The following ST18 variants were observed in gnomAD, a reference collection of about 807,000 sequenced individuals.
The protein encoded by ST18 is suppression of tumorigenicity 18 protein.
ST18 carries 50 observed loss-of-function variants against 110.0 expected under a neutral mutation model. The observed-to-expected ratio is 0.45, with a 90% confidence interval of 0.36 to 0.58. The LOEUF is 0.58. Ranked by LOEUF, ST18 falls within the 20% of genes least tolerant of loss-of-function variation. The pLI, the probability that ST18 is intolerant of heterozygous loss-of-function variation, is 0.00. For synonymous variants in ST18, 461 were observed against 452.4 expected (o/e 1.02, Z -0.24); for missense variants, 1,306 against 1,280.1 (o/e 1.02, Z -0.31).
intron 3 of ST18, 81 bp downstream of exon 3, chr8:52,229,951 T>G (rs1212667427): frequency 6.6e-6 from 1 of 152,540 alleles, no homozygotes; most frequent in Non-Finnish European, 1.5e-5. Flanking sequence ...CCTTAACTTC[T>G]CAGGTTTTTG....
intron 2 of ST18, among the ~76,000 whole-genome samples, chr8:52,300,025 T>C (rs988062940): frequency 1.8e-4 from 27 of 152,248 alleles, no homozygotes; most frequent in African/African-American, 4.8e-4. Context: ...CAAGTTGCTT[T>C]GACACTTTTT....
At chr8:52,217,290 C>T (rs192873961) in intron 6 of ST18, among the ~76,000 whole-genome samples, 1 of 152,228 alleles carries the variant, frequency 6.6e-6, no homozygotes, top group African/African-American at 2.4e-5. Context: ...AAAATGGGTT[C>T]CTCCTGGCTT....
chr8:52,351,724 G>C (rs1344025555), intron 2 of ST18, among the ~76,000 whole-genome samples: 1 of 152,194 alleles, frequency 6.6e-6, no homozygotes, highest in Non-Finnish European at 1.5e-5. Context: ...TGTGAGTGAA[G>C]ACTTGGGGCA....
chr8:52,219,973 T>A (rs2086004219), intron 5 of ST18, among the ~76,000 whole-genome samples: 1 of 152,178 alleles, frequency 6.6e-6, no homozygotes, highest in African/African-American at 2.4e-5. Flanking sequence ...CTCCAGCAAA[T>A]AGTCCTATTA....
intron 8 of ST18, among the ~76,000 whole-genome samples, chr8:52,196,143 T>C (rs1437997298): frequency 6.6e-6 from 1 of 152,148 alleles, no homozygotes; most frequent in Non-Finnish European, 1.5e-5. Context: ...AAGTAGAGGT[T>C]TGGGGGCAGA....
chr8:52,132,162 C>T lies in ST18; in HGVS notation c.2462G>A (p.Cys821Tyr), dbSNP rs1415905248. ...ACCTGATATGTGACCTTGGCCATCA[C>T]ACCCTATCACAGGACATCTAGAGAG... is the stretch of plus-strand genomic sequence containing the variant. ...DPELKCPVIG[C>Y]DGQGHISGKY... is the part of the protein sequence containing the mutation. The change falls in exon 22 of 26, where the codon TGT becomes TAT. Residue 821 changes from cysteine (C) to tyrosine (Y), a missense_variant. Physicochemically the swap from Cys to Tyr is radical, Grantham distance 194. Transcript: ENST00000689386. 1 of 1,612,594 alleles carries T rather than the reference C, an allele frequency of 6.2e-7. No homozygotes were observed. Among genetic ancestry groups the T allele is most frequent in the Non-Finnish European group, 8.5e-7 (1 of 1,179,676 alleles).
At chr8:52,250,019 A>G (rs2094164087) in intron 2 of ST18, among the ~76,000 whole-genome samples, 1 of 151,542 alleles carries the variant, frequency 6.6e-6, no homozygotes, top group Non-Finnish European at 1.5e-5. Context: ...GCAAAGTTGC[A>G]TTTATGCCCT....
intron 2 of ST18, among the ~76,000 whole-genome samples, chr8:52,230,709 A>C (rs2091054015): frequency 1.3e-5 from 2 of 152,192 alleles, no homozygotes; most frequent in African/African-American, 4.8e-5. Context: ...CACGCTAAAA[A>C]TATTTTTACA....
At chr8:52,321,642 G>A (rs1803960157) in intron 2 of ST18, among the ~76,000 whole-genome samples, 2 of 152,132 alleles carry the variant, frequency 1.3e-5, no homozygotes. Context: ...CATATTCCTA[G>A]TATCACAGAG....
intron 16 of ST18, among the ~76,000 whole-genome samples, chr8:52,149,110 T>TA (rs1349093602): frequency 3.3e-5 from 5 of 152,202 alleles, no homozygotes; most frequent in African/African-American, 1.2e-4. Context: ...GCTCAAGCCA[T>TA]AAGGCGAAGG....
intron 2 of ST18, among the ~76,000 whole-genome samples, chr8:52,264,065 C>T (rs574569129): frequency 1.8e-4 from 27 of 152,294 alleles, no homozygotes; most frequent in African/African-American, 6.5e-4. Context: ...TCCCAAAGTT[C>T]TGGGATTACA....
At chr8:52,385,103 T>G (rs1836068996) in intron 2 of ST18, among the ~76,000 whole-genome samples, 1 of 152,132 alleles carries the variant, frequency 6.6e-6, no homozygotes, top group African/African-American at 2.4e-5. Flanking sequence ...ACTCAGAAAT[T>G]TTTCAGTTTC....
At chr8:52,258,604 A>C in intron 2 of ST18, among the ~76,000 whole-genome samples, 1 of 152,112 alleles carries the variant, frequency 6.6e-6, no homozygotes, top group Admixed American at 6.6e-5. Context: ...TTAGCTCTAC[A>C]TAGCATTTTT....
chr8:52,299,026 C>T (rs2095675410), intron 2 of ST18, among the ~76,000 whole-genome samples: 1 of 152,066 alleles, frequency 6.6e-6, no homozygotes, highest in Non-Finnish European at 1.5e-5. Context: ...TGTTGGGTTT[C>T]CTGGATTTGG....
intron 2 of ST18, among the ~76,000 whole-genome samples, chr8:52,360,558 T>C (rs980817473): frequency 3.3e-5 from 5 of 152,034 alleles, no homozygotes; most frequent in South Asian, 2.1e-4. Flanking sequence ...TAGAAGGACA[T>C]GATGATGAGA....
chr8:52,123,806 C>G (rs533828567), intron 23 of ST18, among the ~76,000 whole-genome samples: 29 of 152,298 alleles, frequency 1.9e-4, no homozygotes, highest in African/African-American at 7.0e-4. Flanking sequence ...GCTGCTGGCC[C>G]CCTGCAAAGC....
In ST18 at chr8:52,172,212, T is replaced by C. The variant is rs772997658; in HGVS notation, c.649A>G (p.Arg217Gly). ...TCTGTTAAAACATACTTTGGGACTC[T>C]AGGTGGTTTGGTTTCTTCTGAGAAG... ...SNFSEETKPP[R>G]VPKYVLTDHK... The change falls in exon 10 of 26, where the codon AGA (arginine) becomes GGA (glycine). Residue 217 changes from arginine (R) to glycine (G), a missense_variant. By Grantham distance (125) the Arg-to-Gly change is moderately radical. Transcript: ENST00000689386. 6.2e-7 allele frequency: 1 copy of C among 1,614,190 alleles called. No homozygotes were observed. The highest frequency in any genetic ancestry group is 8.5e-7 in the Non-Finnish European group (1 of 1,180,028).
Position 52,132,141 on chromosome 8 carries a change from G to A in ST18, c.2483C>T (p.Ser828Leu). The A allele has an allele frequency of 1.2e-6, 2 of 1,613,782 alleles. No individual in the cohort carries two copies. Among genetic ancestry groups the A allele is most frequent in the Non-Finnish European group, 8.5e-7 (1 of 1,179,976 alleles). Residue 828 changes from serine (S) to leucine (L), a missense_variant, in exon 22 of 26, where the codon TCA becomes TTA. Physicochemically the swap from Ser to Leu is moderately radical, Grantham distance 145. Coordinates refer to ENST00000689386, the MANE Select transcript of ST18 (RefSeq NM_001352837.2). The stretch of plus-strand genomic sequence containing the variant: ...TGTGCGGTGTGATGTGTATTTACCT[G>A]ATATGTGACCTTGGCCATCACACCC... Reference protein sequence around the residue: ...VIGCDGQGHISGKYTSHRTAS... With the variant: ...VIGCDGQGHILGKYTSHRTAS...
At chr8:52,226,175 A>G (rs1189593305) in intron 3 of ST18, among the ~76,000 whole-genome samples, 1 of 152,220 alleles carries the variant, frequency 6.6e-6, no homozygotes, top group Non-Finnish European at 1.5e-5. Context: ...ACAAGGAGAC[A>G]TCTTCACTAG....
Sources: allele counts gnomAD v4.1 joint callset (sites outside exome capture counted in the v4.1 genomes callset), GRCh38; gene constraint gnomAD v4.1.1; transcripts MANE v1.5; gene names NCBI Gene and HGNC (gene_info 2026-07-23, HGNC 2026-07-21).